The following SLC25A30 variants were observed in gnomAD, a reference collection of about 807,000 sequenced individuals.
The protein encoded by SLC25A30 is solute carrier family 25 member 30, also known as kidney mitochondrial carrier protein 1.
In SLC25A30, 29 loss-of-function variants were observed where a neutral mutation model predicts 42.7. That is an observed-to-expected ratio of 0.68 (90% CI 0.51 to 0.93). The LOEUF is 0.93. Ranked by LOEUF, SLC25A30 falls within the 40% of genes least tolerant of loss-of-function variation. The pLI, the probability that SLC25A30 is intolerant of heterozygous loss-of-function variation, is 0.00. For synonymous variants in SLC25A30, 124 were observed against 131.0 expected (o/e 0.95, Z 0.37); for missense variants, 300 against 359.7 (o/e 0.83, Z 1.34).
rs1881279696 is a variant in SLC25A30 at position 45,395,991 on chromosome 13, T to G, written c.859A>C (p.Lys287Gln). 2 of 1,614,064 alleles carry G rather than the reference T, an allele frequency of 1.2e-6. No homozygotes were observed. The highest frequency in any genetic ancestry group is 3.3e-5 in the Admixed American group (2 of 60,010). The change falls in exon 10 of 10, where the codon AAG becomes CAG. Residue 287 changes from lysine (K) to glutamine (Q), a missense_variant. Transcript: ENST00000519676. ...TTGGCTTGTCACAAATCCAATTTCT[T>G]CAACTGCTCGTATGTCACAAAGAAC... ...IIFFVTYEQL[K>Q]KLDL
intron 1 of SLC25A30, among the ~76,000 whole-genome samples, chr13:45,415,796 A>ATTTTT (rs557873011): frequency 1.0e-5 from 1 of 96,106 alleles, no homozygotes; most frequent in Non-Finnish European, 2.1e-5. Flanking sequence ...TGGCTGAATA[A>ATTTTT]TTTTTTTTTT....
the SLC25A30 span, among the ~76,000 whole-genome samples, chr13:45,423,588 TAA>T: frequency 5.4e-5 from 3 of 55,408 alleles, 1 homozygote; most frequent in South Asian, 1.1e-3. Context: ...AAAATATATA[TAA>T]ATATATATAT....
intron 1 of SLC25A30, among the ~76,000 whole-genome samples, chr13:45,416,471 A>C (rs1883544184): frequency 6.6e-6 from 1 of 152,062 alleles, no homozygotes; most frequent in South Asian, 2.1e-4. Context: ...GTAAAAAAAC[A>C]ACAACAAAAA....
chr13:45,397,626 G>A (rs914397611), intron 8 of SLC25A30: 3 of 237,682 alleles, frequency 1.3e-5, no homozygotes, highest in Non-Finnish European at 2.4e-5. Flanking sequence ...AACCCGGGAG[G>A]CGGAGCTTGC....
At chr13:45,423,042 C>T (rs1883927348), upstream of SLC25A30, among the ~76,000 whole-genome samples, 1 of 152,080 alleles carries the variant, frequency 6.6e-6, no homozygotes, top group Non-Finnish European at 1.5e-5. Context: ...GACAGTCTTC[C>T]CATGAAACAG....
chr13:45,423,097 C>T (rs1202894921), upstream of SLC25A30, among the ~76,000 whole-genome samples: 1 of 152,074 alleles, frequency 6.6e-6, no homozygotes, highest in African/African-American at 2.4e-5. Context: ...CTACTGTATT[C>T]TTAGTGCTCA....
upstream of SLC25A30, among the ~76,000 whole-genome samples, chr13:45,421,060 C>G (rs953603570): frequency 6.6e-6 from 1 of 151,872 alleles, no homozygotes; most frequent in African/African-American, 2.4e-5. Context: ...TTGGTTGCAG[C>G]AGCATAACCA....
chr13:45,398,170 G>T, intron 8 of SLC25A30: 1 of 384,416 alleles, frequency 2.6e-6, no homozygotes, highest in Non-Finnish European at 3.6e-6. Flanking sequence ...CATGGATGGA[G>T]CTGGAGGCCA....
At chr13:45,429,056 C>CT in the SLC25A30 span, among the ~76,000 whole-genome samples, 1,296 of 93,776 alleles carry the variant, frequency 0.014, 188 homozygotes, top group African/African-American at 0.025. Flanking sequence ...TGTGCAAGCT[C>CT]TTTTTTTTTT....
chr13:45,433,616 A>T, the SLC25A30 span, among the ~76,000 whole-genome samples: 1 of 152,218 alleles, frequency 6.6e-6, no homozygotes, highest in African/African-American at 2.4e-5. Context: ...GTTTAGCACG[A>T]GGACTCTGAA....
At chr13:45,406,084 A>G in intron 3 of SLC25A30, 107 bp from the exon 4 acceptor site, 1 of 1,023,018 alleles carries the variant, frequency 9.8e-7, no homozygotes, top group Admixed American at 2.5e-5. Context: ...CATTCTCTAA[A>G]ACAATTTTTT....
At chr13:45,424,831 TATATATAAAA>T in the SLC25A30 span, among the ~76,000 whole-genome samples, 1 of 53,678 alleles carries the variant, frequency 1.9e-5, no homozygotes. Context: ...TATAAAAATA[TATATATAAAA>T]ATATATATAA....
intron 6 of SLC25A30, 76 bp from the exon 7 acceptor site, chr13:45,401,283 C>A (rs1187133213): frequency 8.2e-6 from 12 of 1,454,928 alleles, no homozygotes; most frequent in Non-Finnish European, 1.1e-5. Flanking sequence ...TGCAAAGGTT[C>A]TAATCCATAA....
upstream of SLC25A30, among the ~76,000 whole-genome samples, chr13:45,422,628 A>T (rs188262440): frequency 8.9e-4 from 136 of 152,274 alleles, no homozygotes; most frequent in African/African-American, 3.2e-3. Flanking sequence ...GGTTGCTGCT[A>T]AACGTTCAAC....
the SLC25A30 span, among the ~76,000 whole-genome samples, chr13:45,432,883 A>C: frequency 6.6e-6 from 1 of 151,924 alleles, no homozygotes; most frequent in African/African-American, 2.4e-5. Flanking sequence ...AAAACAAAAA[A>C]AAATTAGCTG....
chr13:45,418,944 A>AAAAAC (rs1883771990), upstream of SLC25A30, among the ~76,000 whole-genome samples: 2 of 39,950 alleles, frequency 5.0e-5, no homozygotes, highest in Non-Finnish European at 9.3e-5. Context: ...TCGTCTCAAA[A>AAAAAC]AAAAAAAAAA....
chr13:45,424,616 T>TATATAGAAATATATAG, the SLC25A30 span, among the ~76,000 whole-genome samples: 81 of 55,750 alleles, frequency 1.5e-3, 12 homozygotes, highest in African/African-American at 5.2e-3. Flanking sequence ...TAAATATATA[T>TATATAGAAATATATAG]AAATATATAT....
the SLC25A30 span, among the ~76,000 whole-genome samples, chr13:45,433,648 T>C: frequency 6.6e-6 from 1 of 152,198 alleles, no homozygotes; most frequent in East Asian, 1.9e-4. Context: ...CATTTCCATC[T>C]GGTAATAGTG....
At chr13:45,423,697 TATATAA>T in the SLC25A30 span, among the ~76,000 whole-genome samples, 2 of 1,294 alleles carry the variant, frequency 1.5e-3, 1 homozygote, top group African/African-American at 5.9e-3. Context: ...TATATATAAA[TATATAA>T]ATATATAAAC....
Sources: allele counts gnomAD v4.1 joint callset (sites outside exome capture counted in the v4.1 genomes callset), GRCh38; gene constraint gnomAD v4.1.1; transcripts MANE v1.5; gene names NCBI Gene and HGNC (gene_info 2026-07-23, HGNC 2026-07-21).